MGST1: variants seen among roughly 807,000 people sequenced by gnomAD.
MGST1 encodes the protein microsomal glutathione S-transferase 1.
A neutral mutation model predicts 8.9 loss-of-function variants in MGST1; 5 were observed. The observed-to-expected ratio is 0.56, with a 90% CI of 0.29 to 1.19. MGST1 has a LOEUF of 1.19. Among genes scored for constraint, MGST1 ranks in the 50% most tolerant of loss-of-function variants. The pLI, the probability that MGST1 is intolerant of heterozygous loss-of-function variation, is 0.08. For missense variants in MGST1, 182 were observed against 187.4 expected (o/e 0.97, Z 0.17); for synonymous variants, 54 against 67.8 (o/e 0.80, Z 1.00).
At chr12:16,351,703 G>A (rs9332896) in intron 1 of MGST1, among the ~76,000 whole-genome samples, 117 of 152,142 alleles carry the variant, frequency 7.7e-4, no homozygotes, top group Middle Eastern at 6.8e-3. Context: ...CCAGCTACTC[G>A]GGAGGCTGAG....
At position 16,547,471 on chromosome 12, in the gene MGST1, G is replaced by A. The variant is rs1336877164; in HGVS notation, n.483-42057G>A. On this transcript the variant is annotated intron_variant and non_coding_transcript_variant, in intron 4 of 4. Transcript: ENST00000538857. The surrounding 1 kb of genome is among the most constrained non-coding windows in gnomAD (Gnocchi z 4.6). ...ATATCAATAACATGCTGGAGAGGTA[G>A]AAGATGCTATTCGCTTTTGTGTGCT... is the stretch of plus-strand genomic sequence containing the variant. Among the ~76,000 whole-genome samples, 1 of 152,128 alleles carries A rather than the reference G, an allele frequency of 6.6e-6. No homozygotes were observed. The highest frequency in any genetic ancestry group is 6.6e-5 in the Admixed American group (1 of 15,256).
At chr12:16,468,260 CAAAT>C (rs761128117) in intron 4 of MGST1, among the ~76,000 whole-genome samples, 2 of 152,122 alleles carry the variant, frequency 1.3e-5, no homozygotes, top group African/African-American at 2.4e-5. Flanking sequence ...AAAATGAACA[CAAAT>C]AAGCTTGCTG....
In MGST1 at chr12:16,458,003, G is replaced by A. The variant is rs1270868751; in HGVS notation, n.482+74399G>A. On this transcript the variant is annotated intron_variant and non_coding_transcript_variant, in intron 4 of 4. Coordinates refer to the MGST1 transcript ENST00000538857. The surrounding 1 kb of genome is among the most constrained non-coding windows in gnomAD (Gnocchi z 4.0). ...CCCAATATCACTTAATTTTTCCCTA[G>A]GAAAGCTTTTGCTTGCCCTAGCAAT... 6.6e-6 allele frequency among the ~76,000 whole-genome samples: 1 copy of A among 151,760 alleles called. No individual in the cohort carries two copies. Among genetic ancestry groups the A allele is most frequent in the East Asian group, 1.9e-4 (1 of 5,162 alleles).
chr12:16,567,600 A>T (rs148121744), intron 4 of MGST1: 3 of 152,230 alleles, frequency 2.0e-5, no homozygotes, highest in Non-Finnish European at 4.4e-5. Flanking sequence ...AGAAGCCTCT[A>T]TGTGGTCAAG....
chr12:16,487,455 C>T (rs1219917225), intron 4 of MGST1, among the ~76,000 whole-genome samples: 1 of 152,036 alleles, frequency 6.6e-6, no homozygotes, highest in Non-Finnish European at 1.5e-5. Flanking sequence ...ATTTTGATAT[C>T]AAAACTGTAT....
chr12:16,435,021 T>TTA (rs1388210819), intron 1 of MGST1, among the ~76,000 whole-genome samples: 1 of 152,020 alleles, frequency 6.6e-6, no homozygotes, highest in Non-Finnish European at 1.5e-5. Flanking sequence ...CTTTTTAAAT[T>TTA]TATCTCATAA....
chr12:16,472,473 A>G (rs1320925268), intron 4 of MGST1, among the ~76,000 whole-genome samples: 2 of 146,220 alleles, frequency 1.4e-5, no homozygotes, highest in African/African-American at 5.1e-5. Context: ...TGGTGTGACT[A>G]TTAACGCCAA....
At chr12:16,549,062 A>G (rs1409322244) in intron 4 of MGST1, 2 of 152,156 alleles carry the variant, frequency 1.3e-5, no homozygotes, top group African/African-American at 4.8e-5. Context: ...ACCTTAAAAG[A>G]TCATCTGAAT....
chr12:16,528,081 A>G (rs1828870288), intron 4 of MGST1, among the ~76,000 whole-genome samples: 1 of 152,074 alleles, frequency 6.6e-6, no homozygotes, highest in South Asian at 2.1e-4. Flanking sequence ...AGAGGCGATT[A>G]CTTTTGAATG....
At chr12:16,452,139 GC>G (rs1941133883) in intron 4 of MGST1, among the ~76,000 whole-genome samples, 1 of 151,758 alleles carries the variant, frequency 6.6e-6, no homozygotes, top group African/African-American at 2.4e-5. Flanking sequence ...CTAAACGTGG[GC>G]AGTGTATAAA....
At chr12:16,425,090 G>A (rs1373574376) in intron 1 of MGST1, among the ~76,000 whole-genome samples, 1 of 152,036 alleles carries the variant, frequency 6.6e-6, no homozygotes, top group Non-Finnish European at 1.5e-5. Flanking sequence ...TTTGATTCAG[G>A]TACATGGAAC....
chr12:16,569,331 T>G (rs1942728717), intron 4 of MGST1, among the ~76,000 whole-genome samples: 1 of 152,138 alleles, frequency 6.6e-6, no homozygotes, highest in East Asian at 1.9e-4. Flanking sequence ...CAAGAAGGGG[T>G]TGTTTTGAAT....
chr12:16,578,818 A>AAAC (rs201327858), intron 4 of MGST1, among the ~76,000 whole-genome samples: 6,551 of 141,058 alleles, frequency 0.046, 185 homozygotes, highest in African/African-American at 0.096. Flanking sequence ...ATTCTGTCTC[A>AAAC]AACAACAACA....
At chr12:16,512,854 C>A (rs1941585690) in intron 4 of MGST1, among the ~76,000 whole-genome samples, 1 of 152,138 alleles carries the variant, frequency 6.6e-6, no homozygotes. Flanking sequence ...AGTAGAAATT[C>A]ATCTGAGTTA....
intron 4 of MGST1, among the ~76,000 whole-genome samples, chr12:16,490,318 C>G (rs984872880): frequency 6.6e-6 from 1 of 152,090 alleles, no homozygotes; most frequent in Admixed American, 6.6e-5. Flanking sequence ...TTGCTCTTTT[C>G]CTTCTACCAT....
exon 1 of MGST1, chr12:16,382,843 T>A (rs925207533): frequency 1.3e-5 from 2 of 153,166 alleles, no homozygotes; most frequent in Non-Finnish European, 2.9e-5. Flanking sequence ...AACTCAGCAA[T>A]GGTGGGCGCC....
At chr12:16,577,505 A>G (rs1359157608) in intron 4 of MGST1, among the ~76,000 whole-genome samples, 1 of 152,116 alleles carries the variant, frequency 6.6e-6, no homozygotes, top group African/African-American at 2.4e-5. Flanking sequence ...TCTACCCTCC[A>G]GTCAATATTT....
chr12:16,573,627 A>T (rs1372792982), intron 4 of MGST1: 3 of 152,172 alleles, frequency 2.0e-5, no homozygotes, highest in Non-Finnish European at 2.9e-5. Context: ...AAACAACTTG[A>T]AAAAGGGTTA....
intron 4 of MGST1, chr12:16,550,290 A>T (rs961431154): frequency 2.6e-5 from 4 of 152,436 alleles, no homozygotes; most frequent in Non-Finnish European, 4.4e-5. Context: ...ATACAAGAAG[A>T]AGTTTAATTT....
Sources: gnomAD v4.1 joint callset for allele counts (sites outside exome capture counted in the v4.1 genomes callset) on GRCh38, gnomAD v4.1.1 for gene constraint, Gnocchi (gnomAD v3.1) non-coding constraint, MANE v1.5 for transcripts, NCBI Gene and HGNC (gene_info 2026-07-23, HGNC 2026-07-21) for gene names.